The following AUH variants were observed in gnomAD, a reference collection of about 807,000 sequenced individuals.
The protein encoded by AUH is AU RNA binding methylglutaconyl-CoA hydratase, also known as methylglutaconyl-CoA hydratase, mitochondrial.
A neutral mutation model predicts 42.3 loss-of-function variants in AUH; 29 were observed. That is an observed-to-expected ratio of 0.69 (90% confidence interval 0.51 to 0.93). The LOEUF is 0.93. Among genes scored for constraint, AUH ranks in the 40% least tolerant of loss-of-function variants. The pLI is 0.00. For missense variants in AUH, 452 were observed against 438.1 expected, an observed-to-expected ratio of 1.03 and a Z score of -0.28; for synonymous variants, 174 against 166.4, an observed-to-expected ratio of 1.05 and a Z score of -0.35.
intron 6 of AUH, among the ~76,000 whole-genome samples, chr9:91,271,220 T>A (rs1415336969): frequency 6.6e-6 from 1 of 152,196 alleles, no homozygotes; most frequent in African/African-American, 2.4e-5. Flanking sequence ...AGAGCAGCAT[T>A]CATCAAAACA....
intron 6 of AUH, among the ~76,000 whole-genome samples, chr9:91,238,181 G>A (rs1226593109): frequency 6.6e-6 from 1 of 152,172 alleles, no homozygotes; most frequent in Non-Finnish European, 1.5e-5. Flanking sequence ...TATCACAAAT[G>A]ACCACTGTTA....
intron 7 of AUH, among the ~76,000 whole-genome samples, chr9:91,219,753 G>A (rs1827027501): frequency 1.3e-5 from 2 of 152,182 alleles, no homozygotes. Context: ...CAGCAGAGTG[G>A]GGACTGGTTT....
chr9:91,232,055 C>T (rs1278350809), intron 6 of AUH, among the ~76,000 whole-genome samples: 1 of 152,214 alleles, frequency 6.6e-6, no homozygotes, highest in Non-Finnish European at 1.5e-5. Flanking sequence ...TGTTAATTAG[C>T]TTGATTGACT....
At chr9:91,321,697 G>C (rs868750708) in intron 4 of AUH, among the ~76,000 whole-genome samples, 1 of 152,250 alleles carries the variant, frequency 6.6e-6, no homozygotes, top group African/African-American at 2.4e-5. Flanking sequence ...GTACAAACCT[G>C]TGAGCTAAGA....
chr9:91,221,190 G>C (rs950355396), intron 6 of AUH, among the ~76,000 whole-genome samples, 198 bp from the exon 7 acceptor site: 7 of 152,188 alleles, frequency 4.6e-5, no homozygotes, highest in Non-Finnish European at 7.3e-5. Context: ...AAAAGGACTT[G>C]AGAACCTTAC....
intron 6 of AUH, among the ~76,000 whole-genome samples, chr9:91,253,926 G>A (rs1214853999): frequency 6.6e-6 from 1 of 152,186 alleles, no homozygotes; most frequent in African/African-American, 2.4e-5. Context: ...TAAATATGTT[G>A]TGAAAAAATT....
At chr9:91,276,384 C>T (rs189030410) in intron 6 of AUH, among the ~76,000 whole-genome samples, 132 of 147,932 alleles carry the variant, frequency 8.9e-4, no homozygotes, top group African/African-American at 3.0e-3. Context: ...TGAGCTGAGA[C>T]TGCAGATGAC....
intron 6 of AUH, among the ~76,000 whole-genome samples, chr9:91,232,256 A>G (rs1451527550): frequency 6.6e-6 from 1 of 152,122 alleles, no homozygotes; most frequent in African/African-American, 2.4e-5. Flanking sequence ...CAGGCATCGC[A>G]TGCTGACTAC....
chr9:91,282,065 C>G (rs890785332), intron 6 of AUH, among the ~76,000 whole-genome samples: 2 of 152,112 alleles, frequency 1.3e-5, no homozygotes, highest in Non-Finnish European at 2.9e-5. Context: ...ATCTGACTCC[C>G]CTATTGCTTC....
At chr9:91,297,676 T>C (rs1030501702) in intron 5 of AUH, among the ~76,000 whole-genome samples, 1 of 151,812 alleles carries the variant, frequency 6.6e-6, no homozygotes. Flanking sequence ...CACTGCAGCC[T>C]CAAACTCCCA....
intron 6 of AUH, among the ~76,000 whole-genome samples, chr9:91,233,408 C>T (rs1828000849): frequency 6.6e-6 from 1 of 152,090 alleles, no homozygotes; most frequent in African/African-American, 2.4e-5. Context: ...CCTGTGGGTC[C>T]CATGGGCCCA....
At chr9:91,307,357 T>C (rs999138123) in intron 4 of AUH, among the ~76,000 whole-genome samples, 1 of 152,220 alleles carries the variant, frequency 6.6e-6, no homozygotes, top group Non-Finnish European at 1.5e-5. Flanking sequence ...GATGCAGAGA[T>C]ATAATTTAAA....
intron 6 of AUH, among the ~76,000 whole-genome samples, chr9:91,270,868 T>C (rs1825067836): frequency 6.6e-6 from 1 of 152,098 alleles, no homozygotes; most frequent in African/African-American, 2.4e-5. Context: ...ATGAATAGTA[T>C]GCATAGAAAA....
intron 3 of AUH, among the ~76,000 whole-genome samples, chr9:91,355,171 A>C (rs1421103470): frequency 6.6e-6 from 1 of 152,184 alleles, no homozygotes; most frequent in Non-Finnish European, 1.5e-5. Context: ...AAGCCAAAAT[A>C]CACTGCATAT....
At chr9:91,216,229 G>T (rs1587610764) in intron 8 of AUH, 123 bp from the exon 9 acceptor site, 3 of 976,558 alleles carry the variant, frequency 3.1e-6, no homozygotes, top group Non-Finnish European at 3.2e-6. Context: ...TAGTACAGCA[G>T]ATCAGAGTGT....
intron 6 of AUH, among the ~76,000 whole-genome samples, chr9:91,229,183 GAGTCTA>G (rs1827713817): frequency 7.0e-6 from 1 of 143,690 alleles, no homozygotes; most frequent in Non-Finnish European, 1.5e-5. Context: ...TAATGTGTGG[GAGTCTA>G]AGTCTCTTTG....
Position 91,322,282 on chromosome 9 carries a change from T to C in AUH, c.505+3036A>G, listed in dbSNP as rs559037869. Among the ~76,000 whole-genome samples the C allele has an allele frequency of 6.6e-5, 10 of 152,238 alleles. No homozygotes were observed. In the South Asian group the frequency reaches 2.1e-3, roughly 32 times the overall value. ...ACTCTGGAACAAACATCAAGGTAATTTGAACAATGAAACCAATCTTAGCCA... is the reference window on the plus strand; with the variant it reads ...ACTCTGGAACAAACATCAAGGTAATCTGAACAATGAAACCAATCTTAGCCA... On this transcript the variant is annotated intron_variant, in intron 4 of 9. Transcript: ENST00000375731.
At chr9:91,355,085 A>G (rs1451677848) in intron 3 of AUH, among the ~76,000 whole-genome samples, 1 of 152,230 alleles carries the variant, frequency 6.6e-6, no homozygotes, top group Non-Finnish European at 1.5e-5. Flanking sequence ...TGGTTACTCA[A>G]CTGGAATTAA....
Position 91,214,427 on chromosome 9 carries a change from T to C in AUH, c.943-2A>G, listed in dbSNP as rs730880312. ...AAGTCTGTCTTTTGTTGGAATGGTCTAAGAAAAACAAAATATTAAATATGT... is the reference window on the plus strand; with the variant it reads ...AAGTCTGTCTTTTGTTGGAATGGTCCAAGAAAAACAAAATATTAAATATGT... On this transcript the variant is annotated splice_acceptor_variant, in intron 9 of 9. Transcript: ENST00000375731. LOFTEE classifies it high-confidence loss of function. 3.0e-5 allele frequency: 48 copies of C among 1,600,438 alleles called. No individual in the cohort carries two copies. Among genetic ancestry groups the C allele is most frequent in the Non-Finnish European group, 4.1e-5 (48 of 1,171,832 alleles).
Sources: allele counts gnomAD v4.1 joint callset (sites outside exome capture counted in the v4.1 genomes callset), GRCh38; gene constraint gnomAD v4.1.1; transcripts MANE v1.5; gene names NCBI Gene and HGNC (gene_info 2026-07-23, HGNC 2026-07-21).